Variants in GRIA3 observed in about 807,000 individuals in gnomAD.
GRIA3 encodes glutamate receptor 3.
A neutral mutation model predicts 63.0 loss-of-function variants in GRIA3; 3 were observed. The observed-to-expected ratio is 0.05, with a 90% CI of 0.02 to 0.12. The LOEUF is 0.12. GRIA3 is among the 10% of genes least tolerant of loss of function. The pLI is 1.00. For missense variants in GRIA3, 347 were observed against 700.9 expected (o/e 0.50, Z 5.70); for synonymous variants, 274 against 257.9 (o/e 1.06, Z -0.60).
chrX:123,416,158 C>T (rs772548554), intron 10 of GRIA3, among the ~76,000 whole-genome samples: 39 of 111,845 alleles, frequency 3.5e-4, no homozygotes, highest in Non-Finnish European at 6.6e-4. Context: ...ATAGAATAAG[C>T]ACTCAATAAA....
chrX:123,421,226 T>C (rs990763328), intron 11 of GRIA3, among the ~76,000 whole-genome samples: 1 of 112,010 alleles, frequency 8.9e-6, no homozygotes, highest in Non-Finnish European at 1.9e-5. Context: ...ATATTGTCTT[T>C]TGTGTGTCTT....
chrX:123,347,812 T>C (rs2045062296), intron 4 of GRIA3, among the ~76,000 whole-genome samples: 2 of 112,420 alleles, frequency 1.8e-5, no homozygotes, highest in Admixed American at 1.9e-4. Flanking sequence ...TTTGCAGCTT[T>C]AAGGGCAACT....
intron 4 of GRIA3, among the ~76,000 whole-genome samples, chrX:123,349,889 C>G (rs143737989): frequency 5.5e-4 from 62 of 111,875 alleles, no homozygotes; most frequent in African/African-American, 2.0e-3. Context: ...TGCCTTTTAT[C>G]ATATGGAAGA....
chrX:123,326,261 A>G lies in GRIA3; in HGVS notation c.696+48A>G, dbSNP rs1488390894. The G allele has an allele frequency of 4.8e-6, 5 of 1,044,842 alleles. No individual in the cohort carries two copies. The Admixed American group carries it at 6.6e-5, about 14-fold the overall frequency. 86.1% of individuals were successfully genotyped at this position (1,044,842 alleles called of 1,213,427 possible). A position where few individuals can be genotyped will look rare whatever the true frequency, so the allele number is the denominator to read the frequency against. On this transcript the variant is annotated intron_variant, in intron 4 of 15. Coordinates refer to ENST00000620443, the MANE Select transcript of GRIA3 (RefSeq NM_007325.5). ...CGCCAGCCAACATGTTAAATTATCA[A>G]CCTAAGTCAGCTCCCATATCTGCTA...
chrX:123,430,810 C>T lies in GRIA3; in HGVS notation c.2076+2671C>T, dbSNP rs990194606. 2.7e-5 allele frequency among the ~76,000 whole-genome samples: 3 copies of T among 110,584 alleles called. No homozygotes were observed. The South Asian group carries it at 1.2e-3, about 43-fold the overall frequency. ...CCAGCCTGGTCAACACGGTAAAACC[C>T]TGTCTCTACTAAAAATACAAAAATT... On this transcript the variant is annotated intron_variant, in intron 12 of 15. Transcript: ENST00000620443.
At chrX:123,259,475 G>A (rs1277639540) in intron 3 of GRIA3, among the ~76,000 whole-genome samples, 2 of 85,256 alleles carry the variant, frequency 2.3e-5, no homozygotes, top group Non-Finnish European at 4.6e-5. Flanking sequence ...CACTCCTTAC[G>A]CCCTTTTCTT....
intron 2 of GRIA3, chrX:123,204,507 A>G: frequency 8.6e-7 from 1 of 1,165,773 alleles, no homozygotes; most frequent in Non-Finnish European, 1.1e-6. Flanking sequence ...AGAAAGAAAG[A>G]AGTTCAGCCT....
At chrX:123,369,121 T>TA (rs1340862312) in intron 5 of GRIA3, among the ~76,000 whole-genome samples, 1 of 111,868 alleles carries the variant, frequency 8.9e-6, no homozygotes, top group Non-Finnish European at 1.9e-5. Flanking sequence ...CCCTTTTACT[T>TA]ACTGTATGTG....
At chrX:123,296,099 CTT>C (rs966951284) in intron 3 of GRIA3, among the ~76,000 whole-genome samples, 5 of 111,446 alleles carry the variant, frequency 4.5e-5, no homozygotes, top group Middle Eastern at 4.6e-3. Flanking sequence ...GTTTATACCA[CTT>C]TTACTCATCA....
chrX:123,230,955 G>T (rs1400364098), intron 2 of GRIA3, among the ~76,000 whole-genome samples: 1 of 112,117 alleles, frequency 8.9e-6, no homozygotes, highest in Non-Finnish European at 1.9e-5. Context: ...AGAGGATGAA[G>T]ATATCCATGT....
intron 12 of GRIA3, among the ~76,000 whole-genome samples, chrX:123,435,432 T>A (rs1258352201): frequency 8.9e-6 from 1 of 112,161 alleles, no homozygotes; most frequent in Non-Finnish European, 1.9e-5. Context: ...ACAAATGAGG[T>A]ACATGACATT....
At chrX:123,240,089 C>G (rs1470296533) in intron 2 of GRIA3, among the ~76,000 whole-genome samples, 2 of 111,460 alleles carry the variant, frequency 1.8e-5, no homozygotes, top group African/African-American at 6.5e-5. Flanking sequence ...TCGAGCTAGA[C>G]CATCTGTTCC....
intron 2 of GRIA3, among the ~76,000 whole-genome samples, chrX:123,199,274 A>ATTTTTTTTTTT (rs5903635): frequency 1.3e-5 from 1 of 78,631 alleles, no homozygotes; most frequent in Non-Finnish European, 2.4e-5. Flanking sequence ...AGTCTTTTAA[A>ATTTTTTTTTTT]TTTTTTTTTT....
chrX:123,338,771 C>G (rs780710752), intron 4 of GRIA3, among the ~76,000 whole-genome samples: 33 of 111,560 alleles, frequency 3.0e-4, no homozygotes, highest in Middle Eastern at 4.7e-3. Flanking sequence ...AGGCTAGTGT[C>G]GAACTCCTGA....
chrX:123,385,618 T>G (rs1400022649), intron 5 of GRIA3, among the ~76,000 whole-genome samples: 1 of 112,536 alleles, frequency 8.9e-6, no homozygotes, highest in Non-Finnish European at 1.9e-5. Flanking sequence ...TTCCTAACCA[T>G]GAGCATGGGA....
At chrX:123,227,792 T>C (rs759375884) in intron 2 of GRIA3, among the ~76,000 whole-genome samples, 2 of 112,361 alleles carry the variant, frequency 1.8e-5, no homozygotes, top group South Asian at 3.7e-4. Context: ...AGTTCAAGTA[T>C]TGAGATGTGT....
At position 123,204,377 on chromosome X, in the gene GRIA3, A is replaced by ATATT. The variant is rs1927827175; in HGVS notation, c.268+18389_268+18392dup. 4.4e-6 allele frequency: 5 copies of ATATT among 1,144,782 alleles called. No homozygotes were observed. In the East Asian group the frequency reaches 1.6e-4, roughly 37 times the overall value. The allele number at this position is 1,144,782 out of a possible 1,213,427, so 94.3% of individuals were successfully genotyped here. A position where few individuals can be genotyped will look rare whatever the true frequency, so the allele number is the denominator to read the frequency against. On this transcript the variant is annotated intron_variant, in intron 2 of 15. Transcript: ENST00000620443. ...GCTCATCCATTCATAGTGCTGAACA[A>ATATT]TATTTTACCTTTCCTGTTCAAGGCG...
chrX:123,311,759 T>C (rs1364602419), intron 3 of GRIA3, among the ~76,000 whole-genome samples: 1 of 112,119 alleles, frequency 8.9e-6, no homozygotes, highest in African/African-American at 3.2e-5. Context: ...TGTATCCCTG[T>C]GAGCCTGAAA....
At chrX:123,300,844 C>T (rs1450918798) in intron 3 of GRIA3, among the ~76,000 whole-genome samples, 1 of 110,740 alleles carries the variant, frequency 9.0e-6, no homozygotes, top group East Asian at 2.8e-4. Flanking sequence ...TTAGCTGTGT[C>T]TCAGAGATTC....
Sources: allele counts gnomAD v4.1 joint callset (sites outside exome capture counted in the v4.1 genomes callset), GRCh38; gene constraint gnomAD v4.1.1; transcripts MANE v1.5; gene names NCBI Gene and HGNC (gene_info 2026-07-23, HGNC 2026-07-21).